TMC6: variants seen among roughly 807,000 people sequenced by gnomAD.
The protein encoded by TMC6 is transmembrane channel like 6, also known as transmembrane channel-like protein 6.
Under a neutral mutation model 95.4 loss-of-function variants are expected in TMC6, and 71 were observed. That is an observed-to-expected ratio of 0.74 (90% confidence interval 0.61 to 0.91). TMC6 has a LOEUF of 0.91. TMC6 is among the 40% of genes least tolerant of loss of function. TMC6 has a pLI of 0.00. For synonymous variants in TMC6, 514 were observed against 483.1 expected (o/e 1.06, Z -0.84); for missense variants, 1,074 against 1,079.1 (o/e 1.00, Z 0.07).
chr17:78,113,444 G>A (rs963255329), intron 19 of TMC6, 104 bp downstream of exon 19: 2 of 1,408,368 alleles, frequency 1.4e-6, no homozygotes, highest in South Asian at 1.2e-5. Context: ...GCGGTCAAGT[G>A]TCAGCAATGT....
At chr17:78,116,867 G>A (rs1038323321) in intron 18 of TMC6, among the ~76,000 whole-genome samples, 1 of 152,118 alleles carries the variant, frequency 6.6e-6, no homozygotes, top group Admixed American at 6.5e-5. Context: ...GTGACAGAGC[G>A]AGACTCCGTC....
At chr17:78,119,793 C>A in intron 13 of TMC6, 1 of 381,856 alleles carries the variant, frequency 2.6e-6, no homozygotes, top group South Asian at 2.1e-5. Context: ...CACCACCAGG[C>A]CCAGCTAATT....
Position 78,121,629 on chromosome 17 carries a change from A to G in TMC6, c.1310T>C (p.Val437Ala). Residue 437 changes from valine to alanine, a missense_variant, in exon 11 of 20, where the codon GTG becomes GCG. Val to Ala is a moderately conservative substitution (Grantham distance 64). Transcript: ENST00000590602. This position sits in a 1 kb window ranked among gnomAD's most constrained non-coding sequence, Gnocchi z 5.6. ...CGCGGTCCCCAGACACAGCAGCCAC[A>G]CAAGCCCCAGCACAGCCGCCTGCCG... ...RLRQAAVLGL[V>A]WLLCLGTALG... 2 of 1,608,430 alleles carry G rather than the reference A, an allele frequency of 1.2e-6. No homozygotes were observed. The highest frequency in any genetic ancestry group is 1.7e-6 in the Non-Finnish European group (2 of 1,178,912).
In TMC6 at chr17:78,117,305, G is replaced by C; in HGVS notation, c.2241C>G (p.Arg747=). 1 of 1,613,532 alleles carries C rather than the reference G, an allele frequency of 6.2e-7. No homozygotes were observed. Among genetic ancestry groups the C allele is most frequent in the Non-Finnish European group, 8.5e-7 (1 of 1,180,000 alleles). The change falls in exon 18 of 20, where the codon CGC becomes CGG. Residue 747 remains arginine (R), a synonymous_variant. Transcript: ENST00000590602. The part of the protein sequence containing the change: ...YLNIQVVRGQ[R]KVICLLKEQI... ...GCTCCTTGAGCAGGCAGATGACCTT[G>C]CGCTGGCCCCGCACCACCTGGATGT...
upstream of TMC6, among the ~76,000 whole-genome samples, chr17:78,130,013 T>C (rs454139): frequency 0.13 from 19,376 of 152,116 alleles, 1,292 homozygotes; most frequent in South Asian, 0.16. Context: ...GCAGAAAAGC[T>C]ATGAACATTC....
At chr17:78,113,740 A>C (rs1402668759) in intron 18 of TMC6, 116 bp from the exon 19 acceptor site, 8 of 1,073,604 alleles carry the variant, frequency 7.5e-6, no homozygotes, top group Non-Finnish European at 1.1e-5. Flanking sequence ...CATCGCAAGC[A>C]GCAAAAACAT....
chr17:78,123,069 C>G, intron 9 of TMC6: 1 of 470,074 alleles, frequency 2.1e-6, no homozygotes, highest in Non-Finnish European at 3.9e-6. Flanking sequence ...CTGCTGGTCC[C>G]AATGACCAAA....
Position 78,117,598 on chromosome 17 carries a change from T to C in TMC6, c.2068A>G (p.Met690Val), listed in dbSNP as rs896715158. 3 of 1,583,614 alleles carry C rather than the reference T, an allele frequency of 1.9e-6. No homozygotes were observed. Among genetic ancestry groups the C allele is most frequent in the African/African-American group, 2.7e-5 (2 of 74,272 alleles). ...TCGPFRTLDT[M>V]YEAGRVWVRH... ...ACCCACACCCTGCCGGCCTCGTACA[T>C]GGTGTCCAGGGTCCGGAAGGGGCCG... The change falls in exon 17 of 20, where the codon ATG (methionine) becomes GTG (valine). Residue 690 changes from methionine (M) to valine (V), a missense_variant. Met to Val is a conservative substitution (Grantham distance 21). Transcript: ENST00000590602.
At position 78,113,576 on chromosome 17, in the gene TMC6, C is replaced by T. The variant is rs760748540; in HGVS notation, c.2326G>A (p.Glu776Lys). The T allele has an allele frequency of 1.2e-5, 20 of 1,613,864 alleles. No individual in the cohort carries two copies. Among genetic ancestry groups the T allele is most frequent in the Admixed American group, 8.3e-5 (5 of 59,992 alleles). Residue 776 changes from glutamate (E) to lysine (K), a missense_variant, in exon 19 of 20, where the codon GAG (glutamate) becomes AAG (lysine). Physicochemically the swap from Glu to Lys is moderately conservative, Grantham distance 56 (BLOSUM62 1). Coordinates refer to ENST00000590602, the MANE Select transcript of TMC6 (RefSeq NM_001127198.5). ...CTCCTCTCCTCCCTCTCCTTCCTCT[C>T]GTAGATGGAGTGAAGCTTGTTGATT... ...FLINKLHSIY[E>K]RKEREERSRV...
At chr17:78,117,239 G>A (rs778241647) in intron 18 of TMC6, 30 bp downstream of exon 18, 2 of 1,611,890 alleles carry the variant, frequency 1.2e-6, no homozygotes, top group Admixed American at 1.7e-5. Context: ...AGAGGGTGGG[G>A]GCTGAGAGCA....
chr17:78,111,828 C>A lies in TMC6; in HGVS notation c.*1320G>T. ...TTCATTCCCCCAATCCCAAGCGCAGCTCCTGCAGGCCTGGAGCCCTGGGCT... is the reference window on the plus strand; with the variant it reads ...TTCATTCCCCCAATCCCAAGCGCAGATCCTGCAGGCCTGGAGCCCTGGGCT... On this transcript the variant is annotated 3_prime_UTR_variant, in exon 20 of 20. Transcript: ENST00000590602. The A allele has an allele frequency of 4.9e-6, 1 of 202,208 alleles. No individual in the cohort carries two copies. Among genetic ancestry groups the A allele is most frequent in the Non-Finnish European group, 1.0e-5 (1 of 96,730 alleles). 12.5% of individuals were successfully genotyped at this position (202,208 alleles called of 1,614,324 possible). A position where few individuals can be genotyped will look rare whatever the true frequency, so the allele number is the denominator to read the frequency against.
In TMC6 at chr17:78,124,069, G is replaced by T. The variant is rs766867186; in HGVS notation, c.1002C>A (p.Gly334=). 6.2e-7 allele frequency: 1 copy of T among 1,613,500 alleles called. No individual in the cohort carries two copies. The highest frequency in any genetic ancestry group is 1.1e-5 in the South Asian group (1 of 91,088). ...DGSQCTPRVG[G]LPYNMPLAYL... ...AGGCCAGGGGCATGTTGTAGGGCAG[G>T]CCACCCACCCTGGGTGTGCACTGGC... The change falls in exon 9 of 20, where the codon GGC becomes GGA. Residue 334 remains glycine, a synonymous_variant. Transcript: ENST00000590602.
In TMC6 at chr17:78,115,037, C is replaced by T. The variant is rs1598821567; in HGVS notation, c.2278-1413G>A. Among the ~76,000 whole-genome samples the T allele has an allele frequency of 3.3e-5, 5 of 152,264 alleles. No homozygotes were observed. The South Asian group carries it at 1.0e-3, about 31-fold the overall frequency. ...TAGGGCAGGAGCCATTCCCCACTTC[C>T]AATATCTACAGCCAGACAACCACCG... is the stretch of plus-strand genomic sequence containing the variant. On this transcript the variant is annotated intron_variant, in intron 18 of 19. Transcript: ENST00000590602.
At chr17:78,120,223 A>G (rs2145179145) in intron 13 of TMC6, 1 of 346,300 alleles carries the variant, frequency 2.9e-6, no homozygotes, top group Non-Finnish European at 5.5e-6. Flanking sequence ...GCAGAGGCGC[A>G]ATCTCAGCTC....
chr17:78,129,118 C>A (rs1244600628), upstream of TMC6, among the ~76,000 whole-genome samples: 4 of 29,958 alleles, frequency 1.3e-4, no homozygotes, highest in African/African-American at 2.8e-4. This position sits in a 1 kb window ranked among gnomAD's most constrained non-coding sequence, Gnocchi z 4.3. Context: ...TGGGCAGCGC[C>A]CCCCCCCCCG....
intron 4 of TMC6, 87 bp downstream of exon 4, chr17:78,126,190 G>A: frequency 1.3e-6 from 2 of 1,501,742 alleles, no homozygotes; most frequent in Non-Finnish European, 1.8e-6. Context: ...TACCCAGGGA[G>A]ATGCCTGGCA....
rs187850513 is a variant in TMC6, at chr17:78,108,909, C to T, written c.*4239G>A. ...ACGCTGGAGTGCAGTGATGTAATCT[C>T]GGCTCACTGCAACCTTGACCTCAAG... On this transcript the variant is annotated 3_prime_UTR_variant, in exon 20 of 20. Transcript: ENST00000590602. The T allele has an allele frequency of 2.6e-5, 4 of 154,802 alleles. No individual in the cohort carries two copies. The highest frequency in any genetic ancestry group is 9.7e-5 in the African/African-American group (4 of 41,416). The allele number at this position is 154,802 out of a possible 1,614,324, so 9.6% of individuals were successfully genotyped here.
intron 18 of TMC6, among the ~76,000 whole-genome samples, chr17:78,115,399 A>G (rs1003110315): frequency 6.6e-6 from 1 of 152,166 alleles, no homozygotes; most frequent in African/African-American, 2.4e-5. Context: ...CTGCAGGAGG[A>G]CAAATGGCAA....
Position 78,117,952 on chromosome 17 carries a change from C to G in TMC6, c.1888-17G>C. The G allele has an allele frequency of 1.3e-6, 2 of 1,590,878 alleles. No homozygotes were observed. The highest frequency in any genetic ancestry group is 1.7e-6 in the Non-Finnish European group (2 of 1,169,370). On this transcript the variant is annotated splice_polypyrimidine_tract_variant and intron_variant, in intron 15 of 19. Coordinates refer to ENST00000590602, the MANE Select transcript of TMC6 (RefSeq NM_001127198.5). The stretch of plus-strand genomic sequence containing the variant: ...AAGGCTGGTCTGTGGGGAAAGGCTG[C>G]GCTCTGCCACCATCCTGCTACCCCT...
Sources: allele counts gnomAD v4.1 joint callset (sites outside exome capture counted in the v4.1 genomes callset), GRCh38; gene constraint gnomAD v4.1.1; non-coding constraint Gnocchi (gnomAD v3.1); transcripts MANE v1.5; gene names NCBI Gene and HGNC (gene_info 2026-07-23, HGNC 2026-07-21).